Variants in FAM124A observed in about 807,000 individuals in gnomAD.
FAM124A encodes the protein protein FAM124A.
A neutral mutation model predicts 24.5 loss-of-function variants in FAM124A; 23 were observed. The ratio of observed to expected loss-of-function variants is 0.94; its 90% CI spans 0.68 to 1.33. The LOEUF is 1.33. Among genes scored for constraint, FAM124A ranks in the 40% most tolerant of loss-of-function variants. The probability of loss-of-function intolerance (pLI) is 0.00; values close to 1 mark genes in which losing one functional copy is unlikely to be tolerated. For synonymous variants in FAM124A, 287 were observed against 314.7 expected, an observed-to-expected ratio of 0.91 and a Z score of 0.93; for missense variants, 623 against 722.8, an observed-to-expected ratio of 0.86 and a Z score of 1.58.
At chr13:51,249,316 T>A (rs1027153830) in intron 2 of FAM124A, among the ~76,000 whole-genome samples, 2 of 152,140 alleles carry the variant, frequency 1.3e-5, no homozygotes, top group Non-Finnish European at 2.9e-5. Context: ...CTCATACAAA[T>A]TTGAGAATAC....
chr13:51,229,354 G>A (rs1032435790), intron 1 of FAM124A, among the ~76,000 whole-genome samples: 3 of 152,224 alleles, frequency 2.0e-5, no homozygotes, highest in African/African-American at 4.8e-5. Context: ...ACCATTCGGC[G>A]GGCCCAACCC....
intron 2 of FAM124A, among the ~76,000 whole-genome samples, chr13:51,231,777 T>C (rs572545361): frequency 6.6e-6 from 1 of 152,378 alleles, no homozygotes; most frequent in African/African-American, 2.4e-5. Flanking sequence ...TTCCCTTGCA[T>C]GTCTGCATCT....
chr13:51,260,625 T>C (rs1237870959), intron 3 of FAM124A, among the ~76,000 whole-genome samples: 1 of 152,180 alleles, frequency 6.6e-6, no homozygotes, highest in Non-Finnish European at 1.5e-5. Flanking sequence ...CACACACTGA[T>C]ATTTAGGTCA....
At chr13:51,277,562 A>C (rs1397059899) in intron 3 of FAM124A, among the ~76,000 whole-genome samples, 2 of 152,250 alleles carry the variant, frequency 1.3e-5, no homozygotes, top group African/African-American at 2.4e-5. Flanking sequence ...TGGGAGGCCG[A>C]GGCGGGTGGA....
intron 3 of FAM124A, among the ~76,000 whole-genome samples, chr13:51,279,900 C>T (rs1252415631): frequency 1.3e-5 from 2 of 152,158 alleles, no homozygotes; most frequent in Non-Finnish European, 2.9e-5. Flanking sequence ...CATGGACCAC[C>T]CCACCCTAAG....
At chr13:51,257,919 A>C (rs116888921) in intron 3 of FAM124A, among the ~76,000 whole-genome samples, 6,570 of 152,280 alleles carry the variant, frequency 0.043, 194 homozygotes, top group Middle Eastern at 0.12. Context: ...ACATAGTACC[A>C]CAAACTGGGT....
intron 3 of FAM124A, among the ~76,000 whole-genome samples, chr13:51,275,160 G>T (rs543859275): frequency 6.2e-4 from 93 of 150,816 alleles, no homozygotes; most frequent in Non-Finnish European, 1.2e-3. Flanking sequence ...ATCACCTGAG[G>T]CCAGGAATTC....
At chr13:51,269,646 G>A (rs1010991982) in intron 3 of FAM124A, among the ~76,000 whole-genome samples, 1 of 152,138 alleles carries the variant, frequency 6.6e-6, no homozygotes, top group Non-Finnish European at 1.5e-5. Flanking sequence ...GATGTTAAAG[G>A]AAATTAAGCT....
At chr13:51,229,958 C>T (rs892750237) in intron 1 of FAM124A, among the ~76,000 whole-genome samples, 20 of 152,156 alleles carry the variant, frequency 1.3e-4, no homozygotes, top group Admixed American at 5.9e-4. Context: ...CTTCTGCCTT[C>T]GGAGTCCTTC....
intron 3 of FAM124A, among the ~76,000 whole-genome samples, chr13:51,269,880 A>C (rs966018433): frequency 2.0e-5 from 3 of 152,216 alleles, no homozygotes; most frequent in Non-Finnish European, 4.4e-5. Flanking sequence ...TTATCTGATT[A>C]TGTAAACCCC....
chr13:51,250,434 C>G (rs1370662134), intron 2 of FAM124A, among the ~76,000 whole-genome samples: 1 of 152,204 alleles, frequency 6.6e-6, no homozygotes, highest in Non-Finnish European at 1.5e-5. Flanking sequence ...ATAGAACCAT[C>G]TTTTAAAAGA....
At position 51,284,173 on chromosome 13, in the gene FAM124A, G is replaced by A. The variant is rs1301599430; in HGVS notation, c.*2917G>A. ...CTCTCTGGAGGATCCTGACTCGTTTGGAGTATTATCCTTGTAAAAGATGCT... is the reference window on the plus strand; with the variant it reads ...CTCTCTGGAGGATCCTGACTCGTTTAGAGTATTATCCTTGTAAAAGATGCT... On this transcript the variant is annotated 3_prime_UTR_variant, in exon 4 of 4. Coordinates refer to ENST00000322475, the MANE Select transcript of FAM124A (RefSeq NM_001242312.2). 6.6e-6 allele frequency: 1 copy of A among 152,160 alleles called. No individual in the cohort carries two copies. Among genetic ancestry groups the A allele is most frequent in the Non-Finnish European group, 1.5e-5 (1 of 68,032 alleles). 9.4% of individuals were successfully genotyped at this position (152,160 alleles called of 1,614,324 possible).
intron 3 of FAM124A, among the ~76,000 whole-genome samples, chr13:51,259,988 G>C (rs184688688): frequency 3.3e-5 from 5 of 152,246 alleles, no homozygotes; most frequent in Non-Finnish European, 5.9e-5. Flanking sequence ...GGGCGGTTCA[G>C]AGGCAGTTCC....
chr13:51,252,385 G>C, intron 3 of FAM124A, 184 bp downstream of exon 3: 1 of 743,180 alleles, frequency 1.3e-6, no homozygotes, highest in Non-Finnish European at 2.1e-6. Context: ...GGGCAAGAAA[G>C]ACTCTTCCCA....
At chr13:51,223,582 G>C (rs1954284559) in intron 1 of FAM124A, among the ~76,000 whole-genome samples, 1 of 152,084 alleles carries the variant, frequency 6.6e-6, no homozygotes, top group African/African-American at 2.4e-5. Flanking sequence ...GCCCACGATC[G>C]ACCCAGAGTT....
At chr13:51,237,583 A>G (rs1954448146) in intron 2 of FAM124A, among the ~76,000 whole-genome samples, 2 of 152,102 alleles carry the variant, frequency 1.3e-5, no homozygotes, top group Non-Finnish European at 2.9e-5. Context: ...GTGTTGGTCG[A>G]TGGTGTCAGT....
rs768735378 is a variant in FAM124A at position 51,280,554 on chromosome 13, T to C, written c.939T>C (p.His313=). The C allele has an allele frequency of 3.1e-6, 5 of 1,613,822 alleles. No individual in the cohort carries two copies. The Admixed American group carries it at 8.3e-5, about 27-fold the overall frequency. Residue 313 remains histidine (H), a synonymous_variant, in exon 4 of 4, where the codon CAT becomes CAC. Transcript: ENST00000322475. ...TGCCGAGCACTGCTGTACCAAGCCA[T>C]ACACCTGGCAGCAGCCAGCAGTCCC... The part of the protein sequence containing the change: ...TPLPSTAVPS[H]TPGSSQQSPL...
intron 3 of FAM124A, among the ~76,000 whole-genome samples, chr13:51,264,637 T>TA (rs542894270): frequency 1.7e-3 from 250 of 145,790 alleles, no homozygotes; most frequent in South Asian, 4.3e-3. Context: ...CATATCTCTT[T>TA]AAAAAAAAAA....
At position 51,281,490 on chromosome 13, in the gene FAM124A, A is replaced by G; in HGVS notation, c.*234A>G. The G allele has an allele frequency of 2.3e-6, 1 of 439,496 alleles. No individual in the cohort carries two copies. The highest frequency in any genetic ancestry group is 4.0e-5 in the Admixed American group (1 of 25,080). The allele number at this position is 439,496 out of a possible 1,614,324, so 27.2% of individuals were successfully genotyped here. A position where few individuals can be genotyped will look rare whatever the true frequency, so the allele number is the denominator to read the frequency against. On this transcript the variant is annotated 3_prime_UTR_variant, in exon 4 of 4. Transcript: ENST00000322475. ...TCTCAACAAACTTGTCATAAAATATATTTTTTGAATATTCAGCATTTGAGG... is the reference window on the plus strand; with the variant it reads ...TCTCAACAAACTTGTCATAAAATATGTTTTTTGAATATTCAGCATTTGAGG...
Sources: gnomAD v4.1 joint callset for allele counts (sites outside exome capture counted in the v4.1 genomes callset) on GRCh38, gnomAD v4.1.1 for gene constraint, MANE v1.5 for transcripts, NCBI Gene and HGNC (gene_info 2026-07-23, HGNC 2026-07-21) for gene names.